DSCAML1: variants seen among roughly 807,000 people sequenced by gnomAD.
DSCAML1 encodes DS cell adhesion molecule like 1.
DSCAML1 carries 38 observed loss-of-function variants against 200.5 expected under a neutral mutation model. The ratio of observed to expected loss-of-function variants is 0.19; its 90% CI spans 0.15 to 0.25. The LOEUF is 0.25. Among genes scored for constraint, DSCAML1 ranks in the 10% least tolerant of loss-of-function variants. The pLI, the probability that DSCAML1 is intolerant of heterozygous loss-of-function variation, is 1.00. For synonymous variants in DSCAML1, 1,215 were observed against 1,165.0 expected (o/e 1.04, Z -0.87); for missense variants, 2,223 against 2,858.8 (o/e 0.78, Z 5.07).
chr11:117,527,877 A>G (rs1042219479), intron 4 of DSCAML1, among the ~76,000 whole-genome samples: 6 of 152,134 alleles, frequency 3.9e-5, no homozygotes, highest in Non-Finnish European at 7.4e-5. Context: ...CCTGTGGGCC[A>G]CAGAAGGAGC....
intron 3 of DSCAML1, among the ~76,000 whole-genome samples, chr11:117,602,678 C>T (rs909232305): frequency 1.3e-5 from 2 of 152,176 alleles, no homozygotes; most frequent in Non-Finnish European, 1.5e-5. Context: ...CCCTCTCTTT[C>T]GACTCTGCAA....
intron 3 of DSCAML1, among the ~76,000 whole-genome samples, chr11:117,614,162 G>A (rs2051760718): frequency 6.6e-6 from 1 of 152,044 alleles, no homozygotes; most frequent in African/African-American, 2.4e-5. Context: ...CTTCAGTGCA[G>A]GCTCTCAGTT....
At chr11:117,798,549 C>T (rs1300766572), upstream of DSCAML1, among the ~76,000 whole-genome samples, 2 of 152,146 alleles carry the variant, frequency 1.3e-5, no homozygotes, top group Non-Finnish European at 2.9e-5. Flanking sequence ...TCATCACTTA[C>T]CATTTCCAAA....
intron 3 of DSCAML1, among the ~76,000 whole-genome samples, chr11:117,771,640 A>G (rs1192070178): frequency 6.6e-6 from 1 of 152,224 alleles, no homozygotes; most frequent in Non-Finnish European, 1.5e-5. Flanking sequence ...GGCGGGAAGT[A>G]GAGGAACCGG....
chr11:117,434,165 C>T (rs965047778), intron 27 of DSCAML1, among the ~76,000 whole-genome samples: 1 of 152,154 alleles, frequency 6.6e-6, no homozygotes, highest in Non-Finnish European at 1.5e-5. Flanking sequence ...TCTGGCTATC[C>T]ATTCACCCAT....
intron 3 of DSCAML1, among the ~76,000 whole-genome samples, chr11:117,599,282 GA>G (rs1449519237): frequency 2.0e-5 from 3 of 152,170 alleles, no homozygotes; most frequent in African/African-American, 7.2e-5. Context: ...TCAGCTACTG[GA>G]TGGCCACATT....
At chr11:117,616,856 C>T (rs78449855) in intron 3 of DSCAML1, among the ~76,000 whole-genome samples, 2,394 of 152,236 alleles carry the variant, frequency 0.016, 61 homozygotes, top group African/African-American at 0.054. Context: ...ATGGCCCAAC[C>T]GTGATTGACT....
intron 3 of DSCAML1, among the ~76,000 whole-genome samples, chr11:117,689,522 G>C (rs1446826415): frequency 6.6e-6 from 1 of 152,208 alleles, no homozygotes; most frequent in African/African-American, 2.4e-5. Context: ...CGTGTTTCTG[G>C]AAACTCCTTC....
chr11:117,550,772 T>A (rs972392844), intron 3 of DSCAML1, among the ~76,000 whole-genome samples: 11 of 152,162 alleles, frequency 7.2e-5, no homozygotes, highest in Non-Finnish European at 1.5e-5. Context: ...TCGCTGACAC[T>A]CTCTGCACAA....
chr11:117,525,716 T>G (rs1417312693), intron 4 of DSCAML1, among the ~76,000 whole-genome samples: 5 of 152,188 alleles, frequency 3.3e-5, no homozygotes, highest in African/African-American at 9.7e-5. Flanking sequence ...TGCCTTGGCC[T>G]CTGAAAATGC....
intron 1 of DSCAML1, among the ~76,000 whole-genome samples, chr11:117,804,106 C>T (rs1027912408): frequency 4.6e-5 from 7 of 152,214 alleles, no homozygotes; most frequent in Admixed American, 1.3e-4. Context: ...GAGAAATGTG[C>T]GGCCCAGAAA....
At chr11:117,619,527 G>A (rs189323511) in intron 3 of DSCAML1, among the ~76,000 whole-genome samples, 213 of 152,320 alleles carry the variant, frequency 1.4e-3, no homozygotes, top group African/African-American at 4.9e-3. Context: ...GGAGGAAAAT[G>A]GAAAATATGT....
chr11:117,586,951 C>T (rs894037709), intron 3 of DSCAML1, among the ~76,000 whole-genome samples: 2 of 152,106 alleles, frequency 1.3e-5, no homozygotes, highest in Non-Finnish European at 2.9e-5. Context: ...GAGGGTGAGG[C>T]CCCCCAGGAT....
chr11:117,672,721 G>A (rs889213844), intron 3 of DSCAML1, among the ~76,000 whole-genome samples: 4 of 152,018 alleles, frequency 2.6e-5, no homozygotes, highest in Admixed American at 1.3e-4. Flanking sequence ...TGTTTGATTC[G>A]TCTCCTCTAG....
chr11:117,461,038 G>A (rs2048470937), intron 18 of DSCAML1, among the ~76,000 whole-genome samples: 1 of 149,990 alleles, frequency 6.7e-6, no homozygotes, highest in Non-Finnish European at 1.5e-5. Flanking sequence ...CCGGTCCCTG[G>A]CTCACATAGC....
At chr11:117,431,205 G>A (rs1233747532) in intron 31 of DSCAML1, among the ~76,000 whole-genome samples, 172 bp from the exon 32 acceptor site, 1 of 152,192 alleles carries the variant, frequency 6.6e-6, no homozygotes, top group African/African-American at 2.4e-5. Context: ...AGGATCTTTG[G>A]CTCATGAAGG....
chr11:117,805,046 T>C (rs1444698359), intron 1 of DSCAML1, among the ~76,000 whole-genome samples: 1 of 152,242 alleles, frequency 6.6e-6, no homozygotes, highest in Non-Finnish European at 1.5e-5. Flanking sequence ...CTTACTGTTG[T>C]CCAATGTTTT....
intron 3 of DSCAML1, among the ~76,000 whole-genome samples, chr11:117,766,006 C>T (rs916185903): frequency 6.6e-6 from 1 of 152,232 alleles, no homozygotes; most frequent in Admixed American, 6.5e-5. Flanking sequence ...CCTTCATTCT[C>T]ATCCATCCCA....
At position 117,480,511 on chromosome 11, in the gene DSCAML1, C is replaced by A; in HGVS notation, c.2717G>T (p.Arg906Leu). 1 of 1,605,644 alleles carries A rather than the reference C, an allele frequency of 6.2e-7. No homozygotes were observed. The highest frequency in any genetic ancestry group is 8.5e-7 in the Non-Finnish European group (1 of 1,176,074). The change falls in exon 14 of 33, where the codon CGC (arginine) becomes CTC (leucine). Residue 906 changes from arginine (R) to leucine (L), a missense_variant. By Grantham distance (102) the Arg-to-Leu change is moderately radical. Transcript: ENST00000651296. The surrounding 1 kb of genome is among the most constrained non-coding windows in gnomAD (Gnocchi z 4.1). ...REVKARSMNL[R>L]WTQRFDGNSI... is the part of the protein sequence containing the mutation. The stretch of plus-strand genomic sequence containing the variant: ...GTTCCCGTCGAATCGCTGGGTCCAG[C>A]GCAGGTTCATGCTCCGGGCCTTCAC...
Sources: allele counts gnomAD v4.1 joint callset (sites outside exome capture counted in the v4.1 genomes callset), GRCh38; gene constraint gnomAD v4.1.1; non-coding constraint Gnocchi (gnomAD v3.1); transcripts MANE v1.5; gene names NCBI Gene and HGNC (gene_info 2026-07-23, HGNC 2026-07-21).